The following CNTNAP2 variants were observed in gnomAD, a reference collection of about 807,000 sequenced individuals.
CNTNAP2 encodes the protein contactin-associated protein-like 2.
CNTNAP2 carries 98 observed loss-of-function variants against 155.2 expected under a neutral mutation model. The observed-to-expected ratio is 0.63, with a 90% CI of 0.54 to 0.75. The LOEUF is 0.75. Among genes scored for constraint, CNTNAP2 ranks in the 30% least tolerant of loss-of-function variants. CNTNAP2 has a pLI of 0.00. For missense variants in CNTNAP2, 1,727 were observed against 1,688.1 expected, an observed-to-expected ratio of 1.02 and a Z score of -0.40; for synonymous variants, 651 against 631.2, an observed-to-expected ratio of 1.03 and a Z score of -0.47.
At chr7:146,376,900 C>T (rs1361597928) in intron 1 of CNTNAP2, among the ~76,000 whole-genome samples, 3 of 152,118 alleles carry the variant, frequency 2.0e-5, no homozygotes, top group African/African-American at 7.2e-5. Context: ...CATTAGTCCC[C>T]TCTGGAGGCC....
intron 13 of CNTNAP2, among the ~76,000 whole-genome samples, chr7:147,798,549 C>A (rs1414568103): frequency 1.3e-5 from 2 of 152,144 alleles, no homozygotes; most frequent in Non-Finnish European, 2.9e-5. Context: ...GTGTTAGCTA[C>A]AGATGTAACA....
chr7:147,392,494 A>G (rs942767231), intron 9 of CNTNAP2, among the ~76,000 whole-genome samples: 3 of 151,846 alleles, frequency 2.0e-5, no homozygotes, highest in Admixed American at 6.6e-5. Context: ...TTTGTCTTTT[A>G]TCCTTCACCC....
chr7:146,486,286 G>C (rs563202456), intron 1 of CNTNAP2, among the ~76,000 whole-genome samples: 3 of 151,618 alleles, frequency 2.0e-5, no homozygotes, highest in Non-Finnish European at 4.4e-5. Context: ...GGATGGTCTC[G>C]ATCTCCTGAC....
intron 1 of CNTNAP2, among the ~76,000 whole-genome samples, chr7:146,125,705 C>T (rs1442862489): frequency 6.8e-6 from 1 of 147,984 alleles, no homozygotes; most frequent in Non-Finnish European, 1.5e-5. Context: ...CCATTAAGAA[C>T]ATAAACAAAA....
At chr7:147,550,425 C>A (rs1182560178) in intron 11 of CNTNAP2, among the ~76,000 whole-genome samples, 1 of 152,182 alleles carries the variant, frequency 6.6e-6, no homozygotes, top group African/African-American at 2.4e-5. Flanking sequence ...TGCCTGCCAC[C>A]ATGTAAGATA....
intron 13 of CNTNAP2, among the ~76,000 whole-genome samples, chr7:147,668,493 A>C (rs946527653): frequency 6.6e-6 from 1 of 152,226 alleles, no homozygotes; most frequent in Non-Finnish European, 1.5e-5. Context: ...TGCCCCTGAG[A>C]ACGTCCCAGT....
rs965160464 is a variant in CNTNAP2, at chr7:147,385,615, C to G, written c.1499-9994C>G. Reference sequence around the variant, plus strand: ...TTGACTTCATGTCTCATATCCAGGTCATGCAGATGCAAGAGGTGGGCCCCC... The same window carrying G: ...TTGACTTCATGTCTCATATCCAGGTGATGCAGATGCAAGAGGTGGGCCCCC... On this transcript the variant is annotated intron_variant, in intron 9 of 23. Coordinates refer to ENST00000361727, the MANE Select transcript of CNTNAP2 (RefSeq NM_014141.6). Among the ~76,000 whole-genome samples, 28 of 152,242 alleles carry G rather than the reference C, an allele frequency of 1.8e-4. 1 individual carries two copies. The highest frequency in any genetic ancestry group is 6.5e-4 in the African/African-American group (27 of 41,474).
At chr7:146,531,815 G>A (rs1563122102) in intron 1 of CNTNAP2, among the ~76,000 whole-genome samples, 1 of 152,114 alleles carries the variant, frequency 6.6e-6, no homozygotes, top group Non-Finnish European at 1.5e-5. Context: ...AAAGTGCTGG[G>A]ATTAGAGGCA....
chr7:147,972,320 C>G (rs766965655), intron 14 of CNTNAP2, among the ~76,000 whole-genome samples: 31 of 152,112 alleles, frequency 2.0e-4, no homozygotes, highest in Non-Finnish European at 4.1e-4. Context: ...ATCTACTCTG[C>G]TAGAATTACT....
chr7:147,690,197 G>T (rs911056384), intron 13 of CNTNAP2, among the ~76,000 whole-genome samples: 1 of 152,026 alleles, frequency 6.6e-6, no homozygotes, highest in East Asian at 1.9e-4. Context: ...TACCTTGCTC[G>T]GCTGGCAGTT....
intron 1 of CNTNAP2, among the ~76,000 whole-genome samples, chr7:146,435,984 C>T (rs1010961657): frequency 1.3e-5 from 2 of 152,120 alleles, no homozygotes; most frequent in Non-Finnish European, 2.9e-5. Context: ...TGTATATTTA[C>T]CAGTATATAC....
chr7:148,288,260 C>T (rs1797124167), intron 21 of CNTNAP2, among the ~76,000 whole-genome samples: 1 of 151,728 alleles, frequency 6.6e-6, no homozygotes, highest in South Asian at 2.1e-4. Context: ...CCACCATGCC[C>T]AGCTACTTTT....
At chr7:146,502,680 A>G (rs1446133747) in intron 1 of CNTNAP2, among the ~76,000 whole-genome samples, 1 of 152,040 alleles carries the variant, frequency 6.6e-6, no homozygotes, top group Non-Finnish European at 1.5e-5. Flanking sequence ...GGCGCAATCT[A>G]GGCTTACTGC....
rs138192368 is a variant in CNTNAP2, at chr7:147,377,140, C to CT, written c.1499-18469_1499-18468insT. On this transcript the variant is annotated intron_variant, in intron 9 of 23. Transcript: ENST00000361727. ...ATTTTCCTTTATTCCTTCTTCTCCC[C>CT]CCCCTTTTGGTTGATCAAATATTTT... 1.2e-3 allele frequency among the ~76,000 whole-genome samples: 185 copies of CT among 150,850 alleles called. 1 individual carries two copies. The highest frequency in any genetic ancestry group is 4.4e-3 in the African/African-American group (181 of 41,016).
chr7:146,223,762 A>T (rs1195833384), intron 1 of CNTNAP2, among the ~76,000 whole-genome samples: 7 of 152,236 alleles, frequency 4.6e-5, no homozygotes, highest in Admixed American at 2.6e-4. Context: ...AAAATAAAGT[A>T]ACCTCCACAC....
intron 1 of CNTNAP2, among the ~76,000 whole-genome samples, chr7:146,359,272 C>T (rs569646742): frequency 6.6e-6 from 1 of 152,218 alleles, no homozygotes; most frequent in African/African-American, 2.4e-5. Context: ...GAAAACCTCT[C>T]AAGGCTTTCA....
intron 1 of CNTNAP2, among the ~76,000 whole-genome samples, chr7:146,330,122 A>AAG (rs1462130811): frequency 6.9e-6 from 1 of 144,522 alleles, no homozygotes; most frequent in African/African-American, 2.6e-5. Flanking sequence ...TCCCGGGTTC[A>AAG]AGCAATTCTC....
intron 1 of CNTNAP2, among the ~76,000 whole-genome samples, chr7:146,536,106 G>A (rs1410583936): frequency 6.6e-6 from 1 of 152,078 alleles, no homozygotes; most frequent in African/African-American, 2.4e-5. Flanking sequence ...GCAGACACAT[G>A]TGATTCCTAA....
chr7:146,733,769 G>C lies in CNTNAP2; in HGVS notation c.98-40502G>C, dbSNP rs193226301. Among the ~76,000 whole-genome samples, 49 of 152,144 alleles carry C rather than the reference G, an allele frequency of 3.2e-4. No homozygotes were observed. The East Asian group carries it at 7.4e-3, about 23-fold the overall frequency. Reference sequence around the variant, plus strand: ...CCAGACAAGACTTGAGGAGAGATGAGAGAAAGGAAATACTGTTTGAGGGTA... The same window carrying C: ...CCAGACAAGACTTGAGGAGAGATGACAGAAAGGAAATACTGTTTGAGGGTA... On this transcript the variant is annotated intron_variant, in intron 1 of 23. Transcript: ENST00000361727.
Sources: gnomAD v4.1 joint callset for allele counts (sites outside exome capture counted in the v4.1 genomes callset) on GRCh38, gnomAD v4.1.1 for gene constraint, MANE v1.5 for transcripts, NCBI Gene and HGNC (gene_info 2026-07-23, HGNC 2026-07-21) for gene names.